Variants in KLHL32 observed in about 807,000 individuals in gnomAD.
The protein encoded by KLHL32 is kelch like family member 32, also known as kelch-like protein 32.
Under a neutral mutation model 64.8 loss-of-function variants are expected in KLHL32, and 35 were observed. That is an observed-to-expected ratio of 0.54 (90% confidence interval 0.41 to 0.72). KLHL32 has a LOEUF of 0.72. Among genes scored for constraint, KLHL32 ranks in the 30% least tolerant of loss-of-function variants. KLHL32 has a pLI of 0.00. For missense variants in KLHL32, 589 were observed against 768.5 expected (o/e 0.77, Z 2.76); for synonymous variants, 259 against 281.0 (o/e 0.92, Z 0.78).
At chr6:97,095,981 G>A (rs1213637542) in intron 6 of KLHL32, among the ~76,000 whole-genome samples, 1 of 152,078 alleles carries the variant, frequency 6.6e-6, no homozygotes, top group Admixed American at 6.6e-5. Flanking sequence ...GTACATTCTA[G>A]ATACATTCCT....
At chr6:97,038,890 A>G (rs9487812) in intron 3 of KLHL32, among the ~76,000 whole-genome samples, 26,098 of 151,644 alleles carry the variant, frequency 0.17, 2,602 homozygotes, top group African/African-American at 0.29. Context: ...CAGGAGTTCG[A>G]GACCAGCATG....
intron 3 of KLHL32, among the ~76,000 whole-genome samples, chr6:96,979,513 T>G (rs1776063131): frequency 6.6e-6 from 1 of 152,160 alleles, no homozygotes; most frequent in Admixed American, 6.6e-5. Context: ...GTTTTTATAC[T>G]GGTATCATGC....
At chr6:97,008,533 T>C (rs1206093) in intron 3 of KLHL32, among the ~76,000 whole-genome samples, 131,929 of 152,062 alleles carry the variant, frequency 0.87, 57,655 homozygotes, top group East Asian at 1. Context: ...CATGCCAAAC[T>C]CTCTGAGCTG....
intron 4 of KLHL32, among the ~76,000 whole-genome samples, chr6:97,047,088 C>CCTCCTA (rs1786051566): frequency 6.6e-6 from 1 of 152,134 alleles, no homozygotes; most frequent in African/African-American, 2.4e-5. Flanking sequence ...TGTGCGTGTT[C>CCTCCTA]CTCCTACACA....
the KLHL32 span, among the ~76,000 whole-genome samples, chr6:96,917,472 G>A: frequency 3.3e-5 from 5 of 152,202 alleles, no homozygotes; most frequent in Non-Finnish European, 4.4e-5. Flanking sequence ...GCCCCAATCT[G>A]TTATCAGAAG....
chr6:96,989,904 T>C (rs1054894232), intron 3 of KLHL32, among the ~76,000 whole-genome samples: 4 of 152,234 alleles, frequency 2.6e-5, no homozygotes, highest in Admixed American at 6.5e-5. Flanking sequence ...CGATTATTAT[T>C]ATGAAATTCT....
intron 4 of KLHL32, among the ~76,000 whole-genome samples, chr6:97,058,577 C>T (rs750190493): frequency 6.6e-6 from 1 of 152,164 alleles, no homozygotes; most frequent in Middle Eastern, 3.2e-3. Flanking sequence ...ATTTCCCAGG[C>T]TCTTTTACAG....
chr6:97,030,641 A>G (rs1783406829), intron 3 of KLHL32, among the ~76,000 whole-genome samples: 1 of 152,182 alleles, frequency 6.6e-6, no homozygotes, highest in Non-Finnish European at 1.5e-5. Flanking sequence ...ACTTTATCCC[A>G]TGCTTTGGCA....
chr6:96,929,836 C>T (rs1270206137), intron 1 of KLHL32, among the ~76,000 whole-genome samples: 1 of 152,098 alleles, frequency 6.6e-6, no homozygotes, highest in East Asian at 1.9e-4. Flanking sequence ...CAGATTAGTT[C>T]CACATATGGC....
intron 6 of KLHL32, among the ~76,000 whole-genome samples, chr6:97,106,742 CAA>C (rs113362615): frequency 3.4e-5 from 4 of 118,622 alleles, no homozygotes; most frequent in South Asian, 2.6e-4. Flanking sequence ...GACCCTGTCT[CAA>C]AAAAAAAAAA....
intron 8 of KLHL32, among the ~76,000 whole-genome samples, chr6:97,127,998 A>G (rs1483834470): frequency 6.6e-6 from 1 of 152,210 alleles, no homozygotes; most frequent in Non-Finnish European, 1.5e-5. Flanking sequence ...TTTTCCCCCA[A>G]AAGAAATATT....
intron 6 of KLHL32, among the ~76,000 whole-genome samples, chr6:97,089,502 G>T (rs557446872): frequency 1.3e-5 from 2 of 152,114 alleles, no homozygotes; most frequent in Non-Finnish European, 2.9e-5. Flanking sequence ...TTTCTGGGTA[G>T]GCGCGGTGGC....
chr6:97,131,847 ACTCT>A (rs749701135), intron 9 of KLHL32, among the ~76,000 whole-genome samples: 1 of 151,314 alleles, frequency 6.6e-6, no homozygotes, highest in African/African-American at 2.4e-5. Context: ...GGACTTAGAA[ACTCT>A]CTGAGTTTTA....
At chr6:97,086,993 A>C (rs1428794104) in intron 6 of KLHL32, among the ~76,000 whole-genome samples, 1 of 152,208 alleles carries the variant, frequency 6.6e-6, no homozygotes, top group African/African-American at 2.4e-5. Flanking sequence ...TGACGTGGTA[A>C]TGTGCAGATG....
At chr6:97,096,810 A>G (rs1795048579) in intron 6 of KLHL32, among the ~76,000 whole-genome samples, 1 of 152,248 alleles carries the variant, frequency 6.6e-6, no homozygotes, top group African/African-American at 2.4e-5. Flanking sequence ...GGGGCAAAGG[A>G]ACTAATACTG....
intron 7 of KLHL32, among the ~76,000 whole-genome samples, chr6:97,125,528 G>A (rs1249259360): frequency 6.6e-6 from 1 of 152,196 alleles, no homozygotes; most frequent in Non-Finnish European, 1.5e-5. Flanking sequence ...TTAAGAGGAT[G>A]GTTTTTAAGC....
At chr6:97,084,036 C>A (rs1793009003) in intron 5 of KLHL32, among the ~76,000 whole-genome samples, 1 of 152,096 alleles carries the variant, frequency 6.6e-6, no homozygotes, top group Admixed American at 6.5e-5. Context: ...CAGCTCCCCA[C>A]TTTATACAGT....
chr6:96,939,946 A>G (rs1771082677), intron 1 of KLHL32, among the ~76,000 whole-genome samples: 2 of 152,036 alleles, frequency 1.3e-5, no homozygotes, highest in Admixed American at 6.6e-5. Context: ...TTGCCTAAGG[A>G]CAACTCAGGA....
At chr6:97,077,355 T>C (rs1334108727) in intron 5 of KLHL32, among the ~76,000 whole-genome samples, 1 of 152,190 alleles carries the variant, frequency 6.6e-6, no homozygotes, top group Non-Finnish European at 1.5e-5. Flanking sequence ...GCTTATGGTA[T>C]AAAGGAAAAT....
Sources: gnomAD v4.1 joint callset for allele counts (sites outside exome capture counted in the v4.1 genomes callset) on GRCh38, gnomAD v4.1.1 for gene constraint, MANE v1.5 for transcripts, NCBI Gene and HGNC (gene_info 2026-07-23, HGNC 2026-07-21) for gene names.